Variants in SEMA6A observed in about 807,000 individuals in gnomAD.
SEMA6A encodes semaphorin 6A, also known as semaphorin-6A.
Under a neutral mutation model 96.8 loss-of-function variants are expected in SEMA6A, and 25 were observed. The observed-to-expected ratio is 0.26, with a 90% CI of 0.19 to 0.36. The LOEUF is 0.36. Among genes scored for constraint, SEMA6A ranks in the 10% least tolerant of loss-of-function variants. SEMA6A has a pLI of 1.00. For synonymous variants in SEMA6A, 612 were observed against 518.0 expected (o/e 1.18, Z -2.46); for missense variants, 1,363 against 1,323.1 (o/e 1.03, Z -0.47).
At chr5:116,474,659 G>C (rs1756362427) in intron 16 of SEMA6A, among the ~76,000 whole-genome samples, 1 of 152,150 alleles carries the variant, frequency 6.6e-6, no homozygotes, top group Non-Finnish European at 1.5e-5. Context: ...CAGTACTTAT[G>C]ACTGAAAGAT....
chr5:116,540,334 A>G (rs1454754110), intron 1 of SEMA6A, among the ~76,000 whole-genome samples: 2 of 152,238 alleles, frequency 1.3e-5, no homozygotes, highest in African/African-American at 4.8e-5. Context: ...TGCCATCAGT[A>G]CAAACTTATG....
chr5:116,562,338 C>A (rs1486819651), intron 1 of SEMA6A, among the ~76,000 whole-genome samples: 2 of 152,034 alleles, frequency 1.3e-5, no homozygotes, highest in Non-Finnish European at 2.9e-5. Flanking sequence ...GTATAAGCTA[C>A]AAAATAATTG....
At chr5:116,551,889 A>G (rs1268266497) in intron 1 of SEMA6A, among the ~76,000 whole-genome samples, 1 of 152,252 alleles carries the variant, frequency 6.6e-6, no homozygotes, top group African/African-American at 2.4e-5. Flanking sequence ...GTAACGTATC[A>G]GGAGCCATCA....
At chr5:116,456,022 A>G (rs1000703805) in intron 18 of SEMA6A, among the ~76,000 whole-genome samples, 3 of 152,230 alleles carry the variant, frequency 2.0e-5, no homozygotes, top group Non-Finnish European at 2.9e-5. Context: ...AGAATGTTTG[A>G]CAAGTTGCCT....
In SEMA6A at chr5:116,495,550, A is replaced by G. The variant is rs370060696; in HGVS notation, c.343-36T>C. On this transcript the variant is annotated intron_variant, in intron 5 of 18. Coordinates refer to ENST00000343348, the MANE Select transcript of SEMA6A (RefSeq NM_020796.5). ...ATTCAAACTGTTTTGTATCATGTCC[A>G]TTCAGTACAGAAACTGATTCTTCAC... 6 of 1,434,592 alleles carry G rather than the reference A, an allele frequency of 4.2e-6. No homozygotes were observed. The African/African-American group carries it at 7.0e-5, about 17-fold the overall frequency. 88.9% of individuals were successfully genotyped at this position (1,434,592 alleles called of 1,614,324 possible).
chr5:116,543,789 G>A (rs1273455007), intron 1 of SEMA6A, among the ~76,000 whole-genome samples: 1 of 152,172 alleles, frequency 6.6e-6, no homozygotes, highest in Non-Finnish European at 1.5e-5. Flanking sequence ...AGATGTGTTT[G>A]GATAATGTGG....
chr5:116,483,454 CA>C (rs1486493026), intron 10 of SEMA6A, among the ~76,000 whole-genome samples: 1 of 152,102 alleles, frequency 6.6e-6, no homozygotes, highest in Non-Finnish European at 1.5e-5. Flanking sequence ...CAAGAGCGCC[CA>C]GGACAAGAGA....
At chr5:116,526,483 G>A (rs1021825556) in intron 1 of SEMA6A, among the ~76,000 whole-genome samples, 14 of 152,218 alleles carry the variant, frequency 9.2e-5, no homozygotes, top group Admixed American at 3.9e-4. Flanking sequence ...GTAAACAAAC[G>A]GATCAATGAA....
rs181960670 is a variant in SEMA6A, at chr5:116,511,773, C to T, written c.-38-6791G>A. Among the ~76,000 whole-genome samples, 17 of 152,346 alleles carry T rather than the reference C, an allele frequency of 1.1e-4. No individual in the cohort carries two copies. The East Asian group carries it at 3.3e-3, about 29-fold the overall frequency. ...ACCAGTTTTAGGAGAAATTGATTCT[C>T]TCATGAACACCACTGTGTTAAGTGG... On this transcript the variant is annotated intron_variant, in intron 1 of 18. Coordinates refer to ENST00000343348, the MANE Select transcript of SEMA6A (RefSeq NM_020796.5).
chr5:116,477,576 C>G (rs1232742377), intron 15 of SEMA6A, among the ~76,000 whole-genome samples: 2 of 152,198 alleles, frequency 1.3e-5, no homozygotes, highest in Non-Finnish European at 2.9e-5. Flanking sequence ...ACCTTCTTGT[C>G]TCTCTCTCCA....
intron 1 of SEMA6A, among the ~76,000 whole-genome samples, chr5:116,569,585 G>A (rs1761129121): frequency 6.6e-6 from 1 of 152,302 alleles, no homozygotes; most frequent in African/African-American, 2.4e-5. Flanking sequence ...ATGCTAGTGG[G>A]GAAGCTGGCA....
intron 17 of SEMA6A, chr5:116,472,605 C>G (rs1361073870): frequency 1.5e-5 from 5 of 344,588 alleles, no homozygotes; most frequent in Non-Finnish European, 2.1e-5. Context: ...GCAATTTCTT[C>G]TCCCTCAAGA....
intron 1 of SEMA6A, among the ~76,000 whole-genome samples, chr5:116,570,796 A>G (rs754611129): frequency 1.3e-5 from 2 of 152,232 alleles, no homozygotes; most frequent in Non-Finnish European, 2.9e-5. Flanking sequence ...TCCATTTCAT[A>G]TAGGAGTGCA....
chr5:116,534,331 AG>A (rs1759618987), intron 1 of SEMA6A, among the ~76,000 whole-genome samples: 1 of 152,174 alleles, frequency 6.6e-6, no homozygotes, highest in Admixed American at 6.5e-5. Context: ...ACTCACCTTC[AG>A]TGCTTCCCAC....
rs948325447 is a variant in SEMA6A, at chr5:116,444,326, C to T, written c.*2287G>A. The T allele has an allele frequency of 6.6e-6, 1 of 152,080 alleles. No individual in the cohort carries two copies. Among genetic ancestry groups the T allele is most frequent in the Admixed American group, 6.5e-5 (1 of 15,268 alleles). 9.4% of individuals were successfully genotyped at this position (152,080 alleles called of 1,614,324 possible). ...GGAACAAAGGGCTCTCACCCACCCT[C>T]AGCTAAGTACTCAGGTCTGAAGGCA... is the stretch of plus-strand genomic sequence containing the variant. On this transcript the variant is annotated 3_prime_UTR_variant, in exon 19 of 19. Coordinates refer to ENST00000343348, the MANE Select transcript of SEMA6A (RefSeq NM_020796.5).
At chr5:116,562,843 C>T (rs1760873995) in intron 1 of SEMA6A, 2 of 678,098 alleles carry the variant, frequency 2.9e-6, no homozygotes, top group Non-Finnish European at 5.6e-6. Context: ...CCTTACACAT[C>T]AAACACCGGG....
At chr5:116,564,667 C>T (rs1760956237) in intron 1 of SEMA6A, among the ~76,000 whole-genome samples, 1 of 151,986 alleles carries the variant, frequency 6.6e-6, no homozygotes, top group African/African-American at 2.4e-5. Flanking sequence ...ATATATACAC[C>T]ACTGGAGAAC....
intron 1 of SEMA6A, among the ~76,000 whole-genome samples, chr5:116,535,088 G>A (rs1323867974): frequency 6.6e-6 from 1 of 152,194 alleles, no homozygotes; most frequent in Non-Finnish European, 1.5e-5. Context: ...ATTGTGTTGG[G>A]AGCAGTGACT....
At chr5:116,554,429 C>T (rs1455360249) in intron 1 of SEMA6A, among the ~76,000 whole-genome samples, 1 of 152,188 alleles carries the variant, frequency 6.6e-6, no homozygotes, top group Non-Finnish European at 1.5e-5. Context: ...CACTTTAAAA[C>T]AGCTTTAGGT....
Sources: allele counts gnomAD v4.1 joint callset (sites outside exome capture counted in the v4.1 genomes callset), GRCh38; gene constraint gnomAD v4.1.1; transcripts MANE v1.5; gene names NCBI Gene and HGNC (gene_info 2026-07-23, HGNC 2026-07-21).